DHX8: variants seen among roughly 807,000 people sequenced by gnomAD.
DHX8 encodes DEAH-box helicase 8.
Under a neutral mutation model 140.7 loss-of-function variants are expected in DHX8, and 67 were observed. The ratio of observed to expected loss-of-function variants is 0.48; its 90% CI spans 0.39 to 0.58. The LOEUF is 0.58. Among genes scored for constraint, DHX8 ranks in the 20% least tolerant of loss-of-function variants. The probability of loss-of-function intolerance (pLI) is 0.00; values close to 1 mark genes in which losing one functional copy is unlikely to be tolerated. For synonymous variants in DHX8, 533 were observed against 553.2 expected (o/e 0.96, Z 0.51); for missense variants, 887 against 1,550.7 (o/e 0.57, Z 7.19).
At chr17:43,502,188 T>A (rs767683830) in intron 11 of DHX8, among the ~76,000 whole-genome samples, 2 of 152,190 alleles carry the variant, frequency 1.3e-5, no homozygotes, top group Non-Finnish European at 2.9e-5. Context: ...AAGAGAGGTC[T>A]GGGCTGGAGA....
At chr17:43,540,970 C>T (rs1025083792) in intron 3 of DHX8, among the ~76,000 whole-genome samples, 1 of 152,148 alleles carries the variant, frequency 6.6e-6, no homozygotes, top group Non-Finnish European at 1.5e-5. Context: ...GGGGGTATCT[C>T]TTGCTGGCGT....
intron 2 of DHX8, 39 bp from the exon 3 acceptor site, chr17:43,490,352 T>G: frequency 6.5e-7 from 1 of 1,535,628 alleles, no homozygotes; most frequent in Non-Finnish European, 9.0e-7. Context: ...AGCACTGATA[T>G]GGGAGCTGAC....
Position 43,508,380 on chromosome 17 carries a change from A to G in DHX8, c.2362A>G (p.Thr788Ala). 1 of 1,611,900 alleles carries G rather than the reference A, an allele frequency of 6.2e-7. No individual in the cohort carries two copies. Among genetic ancestry groups the G allele is most frequent in the Non-Finnish European group, 8.5e-7 (1 of 1,178,240 alleles). Residue 788 changes from threonine (T) to alanine (A), a missense_variant, in exon 16 of 23, where the codon ACT (threonine) becomes GCT (alanine). Thr to Ala is a moderately conservative substitution (Grantham distance 58). This residue lies in a region of DHX8 where 151 missense variants were observed against 388.3 expected (regional missense o/e 0.39). Coordinates refer to ENST00000262415, the MANE Select transcript of DHX8 (RefSeq NM_004941.3). ...CCTGACTGGTCAGGAAGAAATTGAT[A>G]CTGCTTGTGAGATCCTGTATGAAAG... ...VFLTGQEEIDTACEILYERMK... is the reference protein window; with the variant it reads ...VFLTGQEEIDAACEILYERMK...
intron 1 of DHX8, 116 bp from the exon 2 acceptor site, chr17:43,489,333 G>A: frequency 1.4e-6 from 1 of 691,904 alleles, no homozygotes; most frequent in Non-Finnish European, 2.4e-6. Flanking sequence ...CTTACCAGAT[G>A]GTGGTCTTTG....
downstream of DHX8, chr17:43,529,720 G>A: frequency 6.3e-7 from 1 of 1,592,386 alleles, no homozygotes; most frequent in Non-Finnish European, 8.6e-7. Context: ...GTGTCTTTTG[G>A]TCCCCCAAGC....
intron 10 of DHX8, 82 bp downstream of exon 10, chr17:43,499,041 G>C: frequency 9.6e-7 from 1 of 1,038,612 alleles, no homozygotes; most frequent in Non-Finnish European, 1.4e-6. Flanking sequence ...TTAGATCTGC[G>C]TAAGTAGAAC....
At chr17:43,484,763 TC>T (rs1968032163) in intron 1 of DHX8, among the ~76,000 whole-genome samples, 1 of 152,110 alleles carries the variant, frequency 6.6e-6, no homozygotes, top group Non-Finnish European at 1.5e-5. Context: ...CACCTCAGCC[TC>T]CCGAGTAGCT....
At chr17:43,496,406 TC>T (rs1363970101) in intron 9 of DHX8, 138 bp downstream of exon 9, 2 of 612,732 alleles carry the variant, frequency 3.3e-6, no homozygotes, top group African/African-American at 1.9e-5. Context: ...AAAAAAAGGA[TC>T]TCACCATGAT....
chr17:43,493,173 A>G, intron 6 of DHX8, 133 bp downstream of exon 6: 3 of 1,302,918 alleles, frequency 2.3e-6, no homozygotes, highest in Non-Finnish European at 3.2e-6. Flanking sequence ...GTTCTTAGAA[A>G]TTGACTCTTT....
chr17:43,537,152 G>C (rs1971284692), intron 3 of DHX8, among the ~76,000 whole-genome samples: 1 of 152,080 alleles, frequency 6.6e-6, no homozygotes, highest in African/African-American at 2.4e-5. Flanking sequence ...GATCACCTGA[G>C]GTCCGGAGTT....
In DHX8 at chr17:43,507,216, C is replaced by A; in HGVS notation, c.1923+19C>A. ...CCAAGAGGTAAGTAGATAGTGGAGT[C>A]GCTCGAAAAATACCAGAAGCAAAGG... On this transcript the variant is annotated intron_variant, in intron 13 of 22. Coordinates refer to ENST00000262415, the MANE Select transcript of DHX8 (RefSeq NM_004941.3). 1.3e-6 allele frequency: 2 copies of A among 1,577,862 alleles called. No homozygotes were observed. Among genetic ancestry groups the A allele is most frequent in the South Asian group, 1.2e-5 (1 of 86,802 alleles).
At position 43,492,207 on chromosome 17, in the gene DHX8, A is replaced by G. The variant is rs367806707; in HGVS notation, c.418A>G (p.Lys140Glu). The change falls in exon 5 of 23, where the codon AAA (lysine) becomes GAA (glutamate). Residue 140 changes from lysine to glutamate, a missense_variant. Transcript: ENST00000262415. ...GACCATGTTGGATGAAGATGATGTG[A>G]AAGTTGCTGTGGATGTCCTGAAAGA... Reference protein sequence around the residue: ...VRTMLDEDDVKVAVDVLKELE... With the variant: ...VRTMLDEDDVEVAVDVLKELE... 1 of 1,614,116 alleles carries G rather than the reference A, an allele frequency of 6.2e-7. No homozygotes were observed. The highest frequency in any genetic ancestry group is 8.5e-7 in the Non-Finnish European group (1 of 1,179,986).
At chr17:43,530,364 A>G, downstream of DHX8, 1 of 1,455,938 alleles carries the variant, frequency 6.9e-7, no homozygotes. Context: ...AGGGAGTGTG[A>G]TGCTGGAACC....
downstream of DHX8, chr17:43,530,571 C>T (rs555205531): frequency 4.1e-6 from 2 of 492,270 alleles, no homozygotes; most frequent in East Asian, 5.0e-5. Context: ...CAAAAATGTC[C>T]GGTCAGCAGG....
rs372198669 is a variant in DHX8, at chr17:43,499,434, A to T, written c.1398+475A>T. ...ATTTAAAGGTCTCCCAGCCCAGCAC[A>T]TATGAAATGCTTATAATCCACGCAT... On this transcript the variant is annotated intron_variant, in intron 10 of 22. Coordinates refer to ENST00000262415, the MANE Select transcript of DHX8 (RefSeq NM_004941.3). Among the ~76,000 whole-genome samples, 13 of 152,356 alleles carry T rather than the reference A, an allele frequency of 8.5e-5. No individual in the cohort carries two copies. In the East Asian group the frequency reaches 1.3e-3, roughly 16 times the overall value.
At chr17:43,518,644 C>T (rs1456149714) in intron 18 of DHX8, 1 of 152,094 alleles carries the variant, frequency 6.6e-6, no homozygotes, top group Non-Finnish European at 1.5e-5. Context: ...GTATACAATT[C>T]AGTGGCATTA....
intron 14 of DHX8, 30 bp downstream of exon 14, chr17:43,507,718 A>T (rs755975195): frequency 6.2e-7 from 1 of 1,612,714 alleles, no homozygotes; most frequent in Non-Finnish European, 8.5e-7. Context: ...TGACCCCTCT[A>T]CCTGTTGGAA....
In DHX8 at chr17:43,533,151, T is replaced by C. The variant is rs1307201524; in HGVS notation, c.351-3261T>C. 11 of 1,607,260 alleles carry C rather than the reference T, an allele frequency of 6.8e-6. No individual in the cohort carries two copies. In the Admixed American group the frequency reaches 1.8e-4, roughly 27 times the overall value. ...AACACTCAGGAATTGAAAAAACACC[T>C]GGGCCCATGAGCAGTGGGTTTCCCT... On this transcript the variant is annotated intron_variant, in intron 2 of 3. Coordinates refer to the DHX8 transcript ENST00000589898.
intron 2 of DHX8, among the ~76,000 whole-genome samples, chr17:43,532,138 AC>A (rs1398183601): frequency 3.4e-4 from 52 of 152,244 alleles, no homozygotes; most frequent in African/African-American, 1.1e-3. Flanking sequence ...TGCTGGGATT[AC>A]AGATGACTCA....
Sources: allele counts gnomAD v4.1 joint callset (sites outside exome capture counted in the v4.1 genomes callset), GRCh38; gene constraint gnomAD v4.1.1; regional missense constraint gnomAD v4.1.1; transcripts MANE v1.5; gene names NCBI Gene and HGNC (gene_info 2026-07-23, HGNC 2026-07-21).